PDGFD: variants seen among roughly 807,000 people sequenced by gnomAD.
The protein encoded by PDGFD is platelet derived growth factor D.
PDGFD carries 30 observed loss-of-function variants against 44.7 expected under a neutral mutation model. The ratio of observed to expected loss-of-function variants is 0.67; its 90% confidence interval spans 0.50 to 0.91. The LOEUF is 0.91. PDGFD is among the 40% of genes least tolerant of loss of function. PDGFD has a pLI of 0.00. For missense variants in PDGFD, 445 were observed against 457.8 expected, an observed-to-expected ratio of 0.97 and a Z score of 0.25; for synonymous variants, 173 against 168.4, an observed-to-expected ratio of 1.03 and a Z score of -0.21.
intron 1 of PDGFD, among the ~76,000 whole-genome samples, chr11:104,110,950 TG>T (rs1484830615): frequency 1.3e-5 from 2 of 152,176 alleles, no homozygotes; most frequent in African/African-American, 4.8e-5. Flanking sequence ...TTACCAAAAA[TG>T]TTTTTTTGTC....
rs145292583 is a variant in PDGFD at position 103,966,518 on chromosome 11, C to T, written c.511-18794G>A. ...TATAGAAGATAAGAATATAAGGTAACAAGAATCTCTGCTCTCAAGAGAGCG... is the reference window on the plus strand; with the variant it reads ...TATAGAAGATAAGAATATAAGGTAATAAGAATCTCTGCTCTCAAGAGAGCG... On this transcript the variant is annotated intron_variant, in intron 3 of 6. Coordinates refer to ENST00000393158, the MANE Select transcript of PDGFD (RefSeq NM_025208.5). Among the ~76,000 whole-genome samples the T allele has an allele frequency of 8.2e-3, 1,245 of 152,212 alleles. 24 individuals carry two copies. The highest frequency in any genetic ancestry group is 0.029 in the African/African-American group (1,188 of 41,538).
intron 1 of PDGFD, among the ~76,000 whole-genome samples, chr11:104,085,869 T>C (rs905287664): frequency 1.3e-5 from 2 of 152,138 alleles, no homozygotes; most frequent in African/African-American, 4.8e-5. Context: ...GTCTTTATAT[T>C]ATGATGAAAA....
chr11:103,938,352 C>G (rs1324683881), intron 5 of PDGFD, among the ~76,000 whole-genome samples: 1 of 152,166 alleles, frequency 6.6e-6, no homozygotes, highest in Non-Finnish European at 1.5e-5. Flanking sequence ...TAAATGCCTT[C>G]TTTTGAGAAG....
At chr11:103,991,026 C>A (rs1014512858) in intron 3 of PDGFD, among the ~76,000 whole-genome samples, 10 of 151,914 alleles carry the variant, frequency 6.6e-5, no homozygotes, top group Non-Finnish European at 1.5e-5. Flanking sequence ...GTAGTCCCAG[C>A]TACTCAGGAG....
intron 1 of PDGFD, among the ~76,000 whole-genome samples, chr11:104,138,368 T>C (rs1312150533): frequency 6.6e-6 from 1 of 152,218 alleles, no homozygotes; most frequent in Non-Finnish European, 1.5e-5. Flanking sequence ...AAGATTTCAC[T>C]ATATAGCTCA....
chr11:103,915,334 A>C (rs1385123774), intron 6 of PDGFD, among the ~76,000 whole-genome samples: 1 of 152,144 alleles, frequency 6.6e-6, no homozygotes, highest in Admixed American at 6.5e-5. Flanking sequence ...TCATGAGTGA[A>C]CTCTCATTCA....
intron 1 of PDGFD, among the ~76,000 whole-genome samples, chr11:104,020,064 T>C (rs1859926552): frequency 6.6e-6 from 1 of 152,012 alleles, no homozygotes; most frequent in Non-Finnish European, 1.5e-5. Flanking sequence ...AATGAGTAAA[T>C]AAACACCAAA....
At chr11:104,027,856 T>A (rs2173882) in intron 1 of PDGFD, among the ~76,000 whole-genome samples, 2 of 152,068 alleles carry the variant, frequency 1.3e-5, no homozygotes, top group Non-Finnish European at 2.9e-5. Context: ...ACAGATCTCC[T>A]GGCCTTCTTG....
intron 3 of PDGFD, among the ~76,000 whole-genome samples, chr11:103,972,296 C>A (rs1027732006): frequency 1.4e-4 from 22 of 152,286 alleles, no homozygotes; most frequent in African/African-American, 4.8e-4. Context: ...CTTACCCCCA[C>A]ATTGTGACAA....
intron 1 of PDGFD, chr11:104,039,093 C>T (rs1860304319): frequency 6.0e-6 from 1 of 167,004 alleles, no homozygotes; most frequent in Non-Finnish European, 1.5e-5. Flanking sequence ...GGCTAAAGCA[C>T]CTGAGAGAAA....
intron 1 of PDGFD, among the ~76,000 whole-genome samples, chr11:104,046,462 C>G (rs1860443815): frequency 6.8e-6 from 1 of 147,792 alleles, no homozygotes; most frequent in Non-Finnish European, 1.5e-5. Flanking sequence ...ACATTGCTAA[C>G]TGCCATCACT....
chr11:104,039,107 T>C (rs1860304497), intron 1 of PDGFD: 1 of 167,062 alleles, frequency 6.0e-6, no homozygotes, highest in African/African-American at 2.4e-5. Flanking sequence ...AGAGAAAAGT[T>C]TCAGCTTCCT....
intron 3 of PDGFD, among the ~76,000 whole-genome samples, chr11:103,951,597 C>A (rs528544345): frequency 3.9e-5 from 6 of 152,280 alleles, no homozygotes; most frequent in Non-Finnish European, 8.8e-5. Context: ...CCACTACCTC[C>A]ACTCCTGCTA....
At chr11:103,924,241 C>A (rs560078015) in intron 6 of PDGFD, among the ~76,000 whole-genome samples, 3 of 152,194 alleles carry the variant, frequency 2.0e-5, no homozygotes, top group African/African-American at 4.8e-5. Context: ...AAAGTCCTGA[C>A]CTTGAATGTT....
chr11:104,056,628 T>C (rs560341223), intron 1 of PDGFD, among the ~76,000 whole-genome samples: 93 of 152,256 alleles, frequency 6.1e-4, no homozygotes, highest in African/African-American at 2.2e-3. Flanking sequence ...AAGGAACAGA[T>C]TCTGCCTCAG....
chr11:104,020,568 T>C (rs1158226435), intron 1 of PDGFD, among the ~76,000 whole-genome samples: 1 of 152,148 alleles, frequency 6.6e-6, no homozygotes, highest in Non-Finnish European at 1.5e-5. Context: ...TAATAAATGT[T>C]TTTAGAATAT....
At chr11:104,043,416 T>A (rs1284108811) in intron 1 of PDGFD, among the ~76,000 whole-genome samples, 3 of 152,206 alleles carry the variant, frequency 2.0e-5, no homozygotes, top group African/African-American at 2.4e-5. Flanking sequence ...CTTATCAACC[T>A]AGAGTAAGCA....
intron 1 of PDGFD, among the ~76,000 whole-genome samples, chr11:104,060,714 G>C (rs1426425844): frequency 6.6e-6 from 1 of 152,096 alleles, no homozygotes; most frequent in Non-Finnish European, 1.5e-5. Context: ...GTTTCAGGAG[G>C]TACGTCTCCC....
intron 6 of PDGFD, among the ~76,000 whole-genome samples, chr11:103,916,797 T>C (rs1037090809): frequency 2.7e-4 from 41 of 152,144 alleles, no homozygotes; most frequent in African/African-American, 9.7e-4. Context: ...GAGATATGGA[T>C]GAAGCTGGAA....
Sources: gnomAD v4.1 joint callset for allele counts (sites outside exome capture counted in the v4.1 genomes callset) on GRCh38, gnomAD v4.1.1 for gene constraint, MANE v1.5 for transcripts, NCBI Gene and HGNC (gene_info 2026-07-23, HGNC 2026-07-21) for gene names.